VSIR: variants seen among roughly 807,000 people sequenced by gnomAD.
VSIR encodes the protein V-set immunoregulatory receptor, also known as V-type immunoglobulin domain-containing suppressor of T-cell activation.
In VSIR, 10 loss-of-function variants were observed where a neutral mutation model predicts 31.0. The observed-to-expected ratio is 0.32, with a 90% CI of 0.20 to 0.55. The LOEUF (loss-of-function observed/expected upper bound fraction) is 0.55. VSIR is among the 20% of genes least tolerant of loss of function. The pLI is 0.93. For missense variants in VSIR, 356 were observed against 416.2 expected (o/e 0.86, Z 1.26); for synonymous variants, 179 against 180.1 (o/e 0.99, Z 0.05).
chr10:71,756,765 T>G (rs1361265701), intron 3 of VSIR, among the ~76,000 whole-genome samples: 1 of 152,224 alleles, frequency 6.6e-6, no homozygotes, highest in East Asian at 1.9e-4. Context: ...GGATACCTTG[T>G]CACAGTGTCA....
chr10:71,759,597 A>C (rs1840242399), intron 3 of VSIR, among the ~76,000 whole-genome samples: 1 of 151,750 alleles, frequency 6.6e-6, no homozygotes, highest in Admixed American at 6.6e-5. Context: ...ATCATTTGTC[A>C]GTAGTTTGAG....
intron 1 of VSIR, among the ~76,000 whole-genome samples, chr10:71,763,552 G>C (rs1185405181): frequency 1.3e-5 from 2 of 152,218 alleles, no homozygotes; most frequent in Non-Finnish European, 2.9e-5. Flanking sequence ...GCCCAGCCAG[G>C]AGGGAGGCAG....
At chr10:71,767,908 C>T (rs558874971) in intron 1 of VSIR, among the ~76,000 whole-genome samples, 1 of 152,316 alleles carries the variant, frequency 6.6e-6, no homozygotes, top group Admixed American at 6.5e-5. Context: ...TGGAGGCTAG[C>T]ATGCCTCCCC....
intron 4 of VSIR, among the ~76,000 whole-genome samples, chr10:71,754,842 A>G (rs1840092526): frequency 6.6e-6 from 1 of 152,214 alleles, no homozygotes; most frequent in African/African-American, 2.4e-5. Context: ...TCTGCCACTT[A>G]CTAAGTTACG....
At chr10:71,761,144 C>T (rs540452540) in intron 2 of VSIR, among the ~76,000 whole-genome samples, 28 of 152,290 alleles carry the variant, frequency 1.8e-4, no homozygotes, top group Non-Finnish European at 3.7e-4. Context: ...TGTGAATACC[C>T]GCTGGTGCCC....
At chr10:71,763,502 C>A (rs912852340) in intron 1 of VSIR, among the ~76,000 whole-genome samples, 5 of 152,186 alleles carry the variant, frequency 3.3e-5, no homozygotes, top group South Asian at 2.1e-4. Context: ...CCAGGACCCT[C>A]GGCGGCAGGC....
chr10:71,761,513 G>T lies in VSIR; in HGVS notation c.511+85C>A, dbSNP rs1369458957. On this transcript the variant is annotated intron_variant, in intron 2 of 6. Transcript: ENST00000394957. ...TGTTACCCATGCAGCCTCACACTCT[G>T]CCCAGCACAGTGTCATGAATGGTCA... 6 of 1,421,466 alleles carry T rather than the reference G, an allele frequency of 4.2e-6. No individual in the cohort carries two copies. The African/African-American group carries it at 5.7e-5, about 14-fold the overall frequency. The allele number at this position is 1,421,466 out of a possible 1,614,324, so 88.1% of individuals were successfully genotyped here.
At chr10:71,767,918 C>A (rs894721011) in intron 1 of VSIR, among the ~76,000 whole-genome samples, 1 of 152,152 alleles carries the variant, frequency 6.6e-6, no homozygotes, top group Non-Finnish European at 1.5e-5. Context: ...CATGCCTCCC[C>A]AGGGAGGGCC....
At position 71,753,862 on chromosome 10, in the gene VSIR, A is replaced by G. The variant is rs375291973; in HGVS notation, c.677-860T>C. ...TATTCAAACCATGGCTATTGCTTAC[A>G]GCCGACTCATGGGTCAGGCTTCGTG... On this transcript the variant is annotated intron_variant, in intron 4 of 6. Coordinates refer to ENST00000394957, the MANE Select transcript of VSIR (RefSeq NM_022153.2). 5.4e-4 allele frequency: 247 copies of G among 456,472 alleles called. 1 individual carries two copies. The highest frequency in any genetic ancestry group is 4.5e-3 in the African/African-American group (227 of 50,202). The allele number at this position is 456,472 out of a possible 1,614,324, so 28.3% of individuals were successfully genotyped here.
chr10:71,755,104 A>C (rs1210419269), intron 4 of VSIR: 4 of 634,084 alleles, frequency 6.3e-6, no homozygotes, highest in Non-Finnish European at 1.2e-5. Context: ...TTCATTCAGA[A>C]GACATGTATT....
chr10:71,767,811 G>A (rs978561287), intron 1 of VSIR, among the ~76,000 whole-genome samples: 2 of 152,208 alleles, frequency 1.3e-5, no homozygotes, highest in Non-Finnish European at 2.9e-5. Context: ...TCAGACCAAG[G>A]GGGCTGGGAA....
intron 1 of VSIR, among the ~76,000 whole-genome samples, chr10:71,767,327 C>A (rs1486026430): frequency 6.6e-6 from 1 of 152,244 alleles, no homozygotes; most frequent in Non-Finnish European, 1.5e-5. Flanking sequence ...AAGGCAACGC[C>A]CTAGCCTTTG....
chr10:71,765,836 C>G (rs1277018365), intron 1 of VSIR, among the ~76,000 whole-genome samples: 1 of 152,102 alleles, frequency 6.6e-6, no homozygotes, highest in African/African-American at 2.4e-5. Flanking sequence ...GTTCAGTTTT[C>G]AAGCAAGAGG....
rs1839983415 is a variant in VSIR, at chr10:71,750,963, G to A, written c.*290C>T. 2 of 392,914 alleles carry A rather than the reference G, an allele frequency of 5.1e-6. No individual in the cohort carries two copies. The highest frequency in any genetic ancestry group is 8.7e-5 in the Admixed American group (2 of 23,114). 24.3% of individuals were successfully genotyped at this position (392,914 alleles called of 1,614,324 possible). ...GCTGCTGAAGGGCTGGACGTTCTGAGACTTCTTAAGATGTAAGTCATTTGG... is the reference window on the plus strand; with the variant it reads ...GCTGCTGAAGGGCTGGACGTTCTGAAACTTCTTAAGATGTAAGTCATTTGG... On this transcript the variant is annotated 3_prime_UTR_variant, in exon 7 of 7. Transcript: ENST00000394957.
chr10:71,754,974 T>C (rs778526353), intron 4 of VSIR: 8 of 419,806 alleles, frequency 1.9e-5, no homozygotes, highest in Non-Finnish European at 2.9e-5. Context: ...TCATTTTTTG[T>C]CCCAACAATT....
At chr10:71,752,873 A>G (rs1840040804) in intron 5 of VSIR, 102 bp downstream of exon 5, 2 of 1,383,930 alleles carry the variant, frequency 1.4e-6, no homozygotes, top group African/African-American at 2.9e-5. Flanking sequence ...TCTTCTGACC[A>G]GCTGCTCTAG....
rs752718137 is a variant in VSIR at position 71,751,709 on chromosome 10, AG to A, written c.856del (p.Leu286CysfsTer51). 6.4e-6 allele frequency: 10 copies of A among 1,568,552 alleles called. No individual in the cohort carries two copies. The highest frequency in any genetic ancestry group is 5.8e-5 in the Admixed American group (3 of 51,702). ...RHLLSEPSTP[L>X]SPPGPGDVFF... Reference sequence around the variant, plus strand: ...GACGTCTCCGGGGCCTGGAGGAGACAGGGGGGTGCTGGGCTCCGAAAGCAGA... The same window carrying A: ...GACGTCTCCGGGGCCTGGAGGAGACAGGGGGTGCTGGGCTCCGAAAGCAGA... On this transcript the variant is annotated frameshift_variant, in exon 6 of 7. Transcript: ENST00000394957. LOFTEE classifies it high-confidence loss of function. This position sits in a 1 kb window ranked among gnomAD's most constrained non-coding sequence, Gnocchi z 4.9.
chr10:71,752,348 A>C (rs1044242982), intron 5 of VSIR, among the ~76,000 whole-genome samples: 2 of 152,206 alleles, frequency 1.3e-5, no homozygotes, highest in Non-Finnish European at 2.9e-5. Context: ...TGCAAGCAGG[A>C]CTTCCTTCAA....
chr10:71,752,219 C>T (rs1335140001), intron 5 of VSIR, among the ~76,000 whole-genome samples: 2 of 152,162 alleles, frequency 1.3e-5, no homozygotes, highest in Non-Finnish European at 2.9e-5. Flanking sequence ...GAGTTGATGG[C>T]ATTAGGATCG....
Sources: allele counts gnomAD v4.1 joint callset (sites outside exome capture counted in the v4.1 genomes callset), GRCh38; gene constraint gnomAD v4.1.1; non-coding constraint Gnocchi (gnomAD v3.1); transcripts MANE v1.5; gene names NCBI Gene and HGNC (gene_info 2026-07-23, HGNC 2026-07-21).